Variants in RC3H1 observed in about 807,000 individuals in gnomAD.
The protein encoded by RC3H1 is roquin-1.
In RC3H1, 50 loss-of-function variants were observed where a neutral mutation model predicts 138.2. The observed-to-expected ratio is 0.36, with a 90% confidence interval of 0.29 to 0.46. The LOEUF (loss-of-function observed/expected upper bound fraction) is 0.46. RC3H1 is among the 20% of genes least tolerant of loss of function. The probability of loss-of-function intolerance (pLI) is 1.00; values close to 1 mark genes in which losing one functional copy is unlikely to be tolerated. For synonymous variants in RC3H1, 462 were observed against 489.1 expected, an observed-to-expected ratio of 0.94 and a Z score of 0.73; for missense variants, 1,031 against 1,388.1, an observed-to-expected ratio of 0.74 and a Z score of 4.09.
intron 1 of RC3H1, among the ~76,000 whole-genome samples, chr1:174,016,866 A>C (rs1458640899): frequency 6.6e-6 from 1 of 152,118 alleles, no homozygotes; most frequent in Non-Finnish European, 1.5e-5. Context: ...AGAAAAAAAA[A>C]AACTAATTTT....
rs1222980491 is a variant in RC3H1 at position 173,992,866 on chromosome 1, C to A, written c.120G>T (p.Met40Ile). The change falls in exon 2 of 20, where the codon ATG becomes ATT. Residue 40 changes from methionine to isoleucine, a missense_variant. Physicochemically the swap from Met to Ile is conservative, Grantham distance 10. This residue lies in a region of RC3H1 where 35 missense variants were observed against 69.4 expected (regional missense o/e 0.50). Transcript: ENST00000367696. ...CCTTGCGGTGGAGTTTATTCAGGCA[C>A]ATCTTGCAGACAGTATGGCCACAAC... ...SLGCGHTVCK[M>I]CLNKLHRKAC... The A allele has an allele frequency of 6.2e-7, 1 of 1,614,144 alleles. No individual in the cohort carries two copies. The highest frequency in any genetic ancestry group is 8.5e-7 in the Non-Finnish European group (1 of 1,180,024).
At chr1:173,982,418 T>A (rs1237916410) in intron 5 of RC3H1, among the ~76,000 whole-genome samples, 3 of 152,116 alleles carry the variant, frequency 2.0e-5, no homozygotes, top group Non-Finnish European at 4.4e-5. Context: ...TGTGCTTCAA[T>A]AACTCTCTCT....
intron 1 of RC3H1, among the ~76,000 whole-genome samples, chr1:174,000,097 T>G (rs1027557514): frequency 1.8e-4 from 27 of 152,356 alleles, no homozygotes; most frequent in African/African-American, 6.5e-4. Context: ...ATCATTTGTG[T>G]ATTTAAAATA....
At chr1:174,014,492 T>C (rs1042274936) in intron 1 of RC3H1, among the ~76,000 whole-genome samples, 2 of 152,168 alleles carry the variant, frequency 1.3e-5, no homozygotes, top group African/African-American at 2.4e-5. Flanking sequence ...ATATGAAGAA[T>C]TACTTCATTT....
At chr1:173,983,065 T>C in intron 4 of RC3H1, 163 bp from the exon 5 acceptor site, 1 of 538,536 alleles carries the variant, frequency 1.9e-6, no homozygotes, top group Non-Finnish European at 3.2e-6. Flanking sequence ...GTGAGCAATT[T>C]TGTATTACAT....
At chr1:174,015,346 C>T (rs1661841501) in intron 1 of RC3H1, among the ~76,000 whole-genome samples, 1 of 147,130 alleles carries the variant, frequency 6.8e-6, no homozygotes, top group Non-Finnish European at 1.5e-5. Context: ...GATTCTGTTT[C>T]ATTCAAAAGT....
At chr1:173,950,776 TA>T (rs1323927884) in intron 14 of RC3H1, among the ~76,000 whole-genome samples, 27 of 150,666 alleles carry the variant, frequency 1.8e-4, no homozygotes, top group Non-Finnish European at 1.0e-4. Context: ...CTCATGCCTG[TA>T]ATCCCAGCAT....
intron 1 of RC3H1, chr1:174,015,798 A>G (rs974948642): frequency 6.6e-6 from 1 of 152,076 alleles, no homozygotes; most frequent in Non-Finnish European, 1.5e-5. Flanking sequence ...TATAGGTATG[A>G]GTCACCGCCT....
chr1:173,979,457 C>G (rs1456523831), intron 6 of RC3H1, among the ~76,000 whole-genome samples: 1 of 152,084 alleles, frequency 6.6e-6, no homozygotes, highest in Non-Finnish European at 1.5e-5. Context: ...ACCAGCCTGG[C>G]CAACATGGTG....
At chr1:173,994,331 T>C (rs1661408588) in intron 1 of RC3H1, among the ~76,000 whole-genome samples, 1 of 151,890 alleles carries the variant, frequency 6.6e-6, no homozygotes, top group African/African-American at 2.4e-5. Context: ...AGGTGGAGGT[T>C]GCGGTGAGCC....
rs915930309 is a variant in RC3H1 at position 173,938,154 on chromosome 1, T to C, written c.*567A>G. 2.6e-5 allele frequency: 4 copies of C among 152,116 alleles called. No individual in the cohort carries two copies. Among genetic ancestry groups the C allele is most frequent in the African/African-American group, 9.7e-5 (4 of 41,428 alleles). 9.4% of individuals were successfully genotyped at this position (152,116 alleles called of 1,614,324 possible). A position where few individuals can be genotyped will look rare whatever the true frequency, so the allele number is the denominator to read the frequency against. ...GGGATAAAGAATTCCAAATAACAGC[T>C]CTGGGAAAAGTTGGTTTGCTGCACA... On this transcript the variant is annotated 3_prime_UTR_variant, in exon 20 of 20. Transcript: ENST00000367696.
Position 173,993,078 on chromosome 1 carries a change from C to A in RC3H1, c.-93G>T. The A allele has an allele frequency of 3.0e-6, 2 of 668,344 alleles. No individual in the cohort carries two copies. The highest frequency in any genetic ancestry group is 2.3e-6 in the Non-Finnish European group (1 of 426,674). The allele number at this position is 668,344 out of a possible 1,614,324, so 41.4% of individuals were successfully genotyped here. On this transcript the variant is annotated 5_prime_UTR_variant, in exon 2 of 20. Coordinates refer to ENST00000367696, the MANE Select transcript of RC3H1 (RefSeq NM_172071.4). ...TCAAAATCTTTGAAAAAAAGTTTAT[C>A]TTTTTTTTTTTTAAATATCTTCTGT... is the stretch of plus-strand genomic sequence containing the variant.
intron 1 of RC3H1, among the ~76,000 whole-genome samples, chr1:173,996,597 G>A (rs1483546957): frequency 6.6e-6 from 1 of 152,148 alleles, no homozygotes; most frequent in Non-Finnish European, 1.5e-5. Context: ...ATAAACCTGA[G>A]TGAACTTTCC....
At chr1:174,000,303 CAT>C (rs1399631478) in intron 1 of RC3H1, among the ~76,000 whole-genome samples, 1 of 152,132 alleles carries the variant, frequency 6.6e-6, no homozygotes, top group Non-Finnish European at 1.5e-5. Context: ...TTCATTTAAA[CAT>C]ATGACACATT....
At chr1:173,994,952 G>A (rs1661429229) in intron 1 of RC3H1, among the ~76,000 whole-genome samples, 1 of 152,138 alleles carries the variant, frequency 6.6e-6, no homozygotes. Context: ...CATGGAGCTT[G>A]CACTGTTTCT....
In RC3H1 at chr1:173,983,449, T is replaced by G. The variant is rs893962809; in HGVS notation, c.561A>C (p.Val187=). ...QQLSSNLWAA[V]RARGCQFLGP... is the part of the protein sequence containing the mutation. ...CAAGGAACTGGCATCCCCTAGCCCT[T>G]ACTGCTGCCCAAAGATTGGAAGAGA... is the stretch of plus-strand genomic sequence containing the variant. Residue 187 remains valine, a synonymous_variant, in exon 4 of 20, where the codon GTA becomes GTC. Coordinates refer to ENST00000367696, the MANE Select transcript of RC3H1 (RefSeq NM_172071.4). 4 of 1,614,202 alleles carry G rather than the reference T, an allele frequency of 2.5e-6. No individual in the cohort carries two copies. The highest frequency in any genetic ancestry group is 3.4e-6 in the Non-Finnish European group (4 of 1,180,024).
intron 1 of RC3H1, among the ~76,000 whole-genome samples, chr1:174,002,700 G>C (rs1661583294): frequency 1.3e-5 from 2 of 152,044 alleles, no homozygotes; most frequent in African/African-American, 4.8e-5. Flanking sequence ...TTTCTATATA[G>C]CATTTAATAA....
At chr1:173,957,308 T>C (rs1313456023) in intron 13 of RC3H1, among the ~76,000 whole-genome samples, 2 of 152,118 alleles carry the variant, frequency 1.3e-5, no homozygotes, top group Non-Finnish European at 2.9e-5. Flanking sequence ...TAGGCTTTAT[T>C]ATGTTTGATT....
intron 12 of RC3H1, 68 bp downstream of exon 12, chr1:173,961,657 A>C: frequency 7.0e-7 from 1 of 1,425,520 alleles, no homozygotes; most frequent in Admixed American, 2.2e-5. Flanking sequence ...GTCATTGCAT[A>C]AAAAGTAAGG....
Sources: gnomAD v4.1 joint callset for allele counts (sites outside exome capture counted in the v4.1 genomes callset) on GRCh38, gnomAD v4.1.1 for gene constraint, gnomAD v4.1.1 regional missense constraint, MANE v1.5 for transcripts, NCBI Gene and HGNC (gene_info 2026-07-23, HGNC 2026-07-21) for gene names.